CNBD2: variants seen among roughly 807,000 people sequenced by gnomAD.
CNBD2 encodes cyclic nucleotide binding domain containing 2, also known as cyclic nucleotide-binding domain-containing protein 2.
Under a neutral mutation model 63.7 loss-of-function variants are expected in CNBD2, and 64 were observed. The observed-to-expected ratio is 1.00, with a 90% confidence interval of 0.82 to 1.24. The LOEUF is 1.24. Ranked by LOEUF, CNBD2 falls within the 50% of genes most tolerant of loss-of-function variation. The pLI, the probability that CNBD2 is intolerant of heterozygous loss-of-function variation, is 0.00. For synonymous variants in CNBD2, 229 were observed against 255.4 expected, an observed-to-expected ratio of 0.90 and a Z score of 0.99; for missense variants, 691 against 713.5, an observed-to-expected ratio of 0.97 and a Z score of 0.36.
intron 2 of CNBD2, chr20:35,973,036 A>G (rs1463617186): frequency 2.0e-6 from 1 of 490,652 alleles, no homozygotes; most frequent in East Asian, 3.2e-5. Context: ...GCTCCACTGC[A>G]ACAGCAGGCC....
intron 6 of CNBD2, 99 bp from the exon 7 acceptor site, chr20:35,987,296 C>A: frequency 1.5e-6 from 2 of 1,351,380 alleles, no homozygotes; most frequent in South Asian, 1.3e-5. Flanking sequence ...TCCACCCAGG[C>A]ATCCTCCACA....
chr20:36,022,217 T>A (rs6141589), intron 10 of CNBD2, among the ~76,000 whole-genome samples: 1 of 107,120 alleles, frequency 9.3e-6, no homozygotes, highest in Non-Finnish European at 1.7e-5. Flanking sequence ...TTTTTTTTTT[T>A]GAGATGGAGT....
At chr20:35,991,595 G>C (rs1178309127) in intron 7 of CNBD2, among the ~76,000 whole-genome samples, 1 of 152,182 alleles carries the variant, frequency 6.6e-6, no homozygotes, top group African/African-American at 2.4e-5. Context: ...AGCCAGAAAA[G>C]ATGGGGGGAT....
At chr20:35,968,942 C>G in intron 1 of CNBD2, 129 bp downstream of exon 1, 1 of 672,480 alleles carries the variant, frequency 1.5e-6, no homozygotes, top group South Asian at 1.8e-5. Context: ...TTTGGAGTCA[C>G]AGCATGGCAC....
At chr20:35,986,377 G>A (rs2056667525) in intron 6 of CNBD2, among the ~76,000 whole-genome samples, 1 of 151,938 alleles carries the variant, frequency 6.6e-6, no homozygotes, top group South Asian at 2.1e-4. Context: ...TCCAATCTCA[G>A]CTCTTAGGTT....
intron 3 of CNBD2, among the ~76,000 whole-genome samples, chr20:35,979,891 A>G (rs1037462617): frequency 6.6e-6 from 1 of 152,198 alleles, no homozygotes; most frequent in Non-Finnish European, 1.5e-5. Flanking sequence ...GAGGCTGGAG[A>G]GAAGCCATTG....
intron 10 of CNBD2, among the ~76,000 whole-genome samples, chr20:36,016,903 T>G (rs2794376): frequency 7.5e-6 from 1 of 132,968 alleles, no homozygotes; most frequent in African/African-American, 2.7e-5. Context: ...TACAAAAAAT[T>G]AAAAAGTTAG....
chr20:35,954,847 C>T, exon 1 of CNBD2: 1 of 308,306 alleles, frequency 3.2e-6, no homozygotes, highest in Admixed American at 5.1e-5. Flanking sequence ...TGACGGCTGG[C>T]CGGGGCTCGT....
chr20:35,954,403 T>G (rs567963384), upstream of CNBD2: 20 of 1,557,076 alleles, frequency 1.3e-5, no homozygotes, highest in East Asian at 4.4e-4. Flanking sequence ...GCGTCACCCT[T>G]GAGGGAGTCG....
At chr20:35,987,840 GCCAGATCACTTTTAA>G (rs1233264246) in intron 7 of CNBD2, among the ~76,000 whole-genome samples, 1 of 151,808 alleles carries the variant, frequency 6.6e-6, no homozygotes, top group Non-Finnish European at 1.5e-5. Context: ...TCTTAGTGAT[GCCAGATCACTTTTAA>G]ATTTATTTAT....
In CNBD2 at chr20:36,030,494, A is replaced by G. The variant is rs1359760673; in HGVS notation, c.1577A>G (p.Asn526Ser). The G allele has an allele frequency of 2.5e-6, 4 of 1,613,466 alleles. No homozygotes were observed. In the Admixed American group the frequency reaches 6.7e-5, roughly 27 times the overall value. Residue 526 changes from asparagine to serine, a missense_variant, in exon 12 of 12, where the codon AAC becomes AGC. Transcript: ENST00000373973. The stretch of plus-strand genomic sequence containing the variant: ...CGGCCCAAGAAGAGAGAGATCTACA[A>G]CCCTAAGTCTGTGGTCCTGGATTTG... ...PNRPKKREIY[N>S]PKSVVLDLCS...
At chr20:35,990,010 C>T (rs2056724186) in intron 7 of CNBD2, among the ~76,000 whole-genome samples, 1 of 152,022 alleles carries the variant, frequency 6.6e-6, no homozygotes, top group Non-Finnish European at 1.5e-5. Context: ...CTCATCATTT[C>T]CTACTGATGT....
intron 1 of CNBD2, among the ~76,000 whole-genome samples, chr20:35,971,536 C>T (rs945042295): frequency 6.6e-6 from 1 of 152,190 alleles, no homozygotes; most frequent in Non-Finnish European, 1.5e-5. Flanking sequence ...CTGCCTCAGC[C>T]TCCCGAGTAG....
chr20:35,982,986 A>G (rs1273947518), intron 4 of CNBD2, among the ~76,000 whole-genome samples: 2 of 151,894 alleles, frequency 1.3e-5, no homozygotes, highest in Admixed American at 6.6e-5. Flanking sequence ...TAATAGAACA[A>G]TTAGCTGGAT....
At chr20:36,007,115 G>A (rs1359640370) in intron 8 of CNBD2, among the ~76,000 whole-genome samples, 4 of 152,062 alleles carry the variant, frequency 2.6e-5, no homozygotes, top group African/African-American at 9.7e-5. Context: ...CATGAACCTG[G>A]GAGGTGGAGC....
downstream of CNBD2, among the ~76,000 whole-genome samples, chr20:35,959,777 G>C (rs897899409): frequency 6.6e-6 from 1 of 152,126 alleles, no homozygotes; most frequent in Admixed American, 6.5e-5. Flanking sequence ...AACTTGCCCA[G>C]GTTCAGCCAA....
At chr20:36,013,755 A>C (rs2057095633) in intron 10 of CNBD2, among the ~76,000 whole-genome samples, 1 of 152,234 alleles carries the variant, frequency 6.6e-6, no homozygotes, top group African/African-American at 2.4e-5. Context: ...CAGGTTTTTC[A>C]CAATTTAAGC....
intron 10 of CNBD2, among the ~76,000 whole-genome samples, chr20:36,011,871 A>T (rs2057066047): frequency 6.6e-6 from 1 of 152,212 alleles, no homozygotes; most frequent in African/African-American, 2.4e-5. Flanking sequence ...GAAATTTGAC[A>T]TTTAAAAACA....
At chr20:35,970,986 C>T (rs1200800675) in intron 1 of CNBD2, among the ~76,000 whole-genome samples, 2 of 140,906 alleles carry the variant, frequency 1.4e-5, no homozygotes, top group African/African-American at 2.7e-5. Context: ...CTCGCTCTGT[C>T]GCCCAGGCTG....
Sources: allele counts gnomAD v4.1 joint callset (sites outside exome capture counted in the v4.1 genomes callset), GRCh38; gene constraint gnomAD v4.1.1; transcripts MANE v1.5; gene names NCBI Gene and HGNC (gene_info 2026-07-23, HGNC 2026-07-21).